Variants in SKAP1 observed in about 807,000 individuals in gnomAD.
The protein encoded by SKAP1 is src kinase-associated phosphoprotein 1.
Under a neutral mutation model 58.5 loss-of-function variants are expected in SKAP1, and 44 were observed. The ratio of observed to expected loss-of-function variants is 0.75; its 90% CI spans 0.59 to 0.97. The LOEUF (loss-of-function observed/expected upper bound fraction) is 0.97. Ranked by LOEUF, SKAP1 falls within the 50% of genes least tolerant of loss-of-function variation. The probability of loss-of-function intolerance (pLI) is 0.00; values close to 1 mark genes in which losing one functional copy is unlikely to be tolerated. For synonymous variants in SKAP1, 127 were observed against 149.7 expected (o/e 0.85, Z 1.11); for missense variants, 390 against 435.2 (o/e 0.90, Z 0.92).
chr17:48,156,730 T>G (rs1438907103), intron 11 of SKAP1, among the ~76,000 whole-genome samples: 4 of 152,220 alleles, frequency 2.6e-5, no homozygotes, highest in Non-Finnish European at 5.9e-5. Context: ...GTGGGAGTCC[T>G]CCTGCTGACT....
chr17:48,395,318 T>C (rs1234678025), intron 2 of SKAP1, among the ~76,000 whole-genome samples: 3 of 152,218 alleles, frequency 2.0e-5, no homozygotes, highest in Non-Finnish European at 4.4e-5. Flanking sequence ...TCCTCCTCAT[T>C]GTGTATTTGT....
At chr17:48,151,806 A>G (rs1199698085) in intron 11 of SKAP1, among the ~76,000 whole-genome samples, 1 of 152,242 alleles carries the variant, frequency 6.6e-6, no homozygotes, top group Non-Finnish European at 1.5e-5. Flanking sequence ...TCTTTGCTAA[A>G]TATGATGAAC....
At chr17:48,279,422 C>T (rs2065740974) in intron 4 of SKAP1, among the ~76,000 whole-genome samples, 1 of 152,142 alleles carries the variant, frequency 6.6e-6, no homozygotes, top group East Asian at 1.9e-4. Context: ...GTTTGCTGAT[C>T]ATTGATCCAC....
intron 2 of SKAP1, among the ~76,000 whole-genome samples, chr17:48,364,611 G>A (rs2066979590): frequency 6.6e-6 from 1 of 152,278 alleles, no homozygotes; most frequent in African/African-American, 2.4e-5. Flanking sequence ...GGAGGCGGAG[G>A]TTGCAGTGAG....
At chr17:48,362,478 T>G (rs757469808) in intron 3 of SKAP1, among the ~76,000 whole-genome samples, 2 of 152,270 alleles carry the variant, frequency 1.3e-5, no homozygotes, top group Non-Finnish European at 2.9e-5. Context: ...CCCTGAACTA[T>G]AGGGCCATCC....
chr17:48,276,441 T>C (rs1425236746), intron 4 of SKAP1, among the ~76,000 whole-genome samples: 3 of 152,244 alleles, frequency 2.0e-5, no homozygotes, highest in Admixed American at 6.5e-5. Context: ...TGTACACATC[T>C]GTTTTCCACT....
In SKAP1 at chr17:48,430,149, G is replaced by GGCGC; in HGVS notation, c.-33_-30dup. 8.0e-7 allele frequency: 1 copy of GGCGC among 1,254,362 alleles called. No homozygotes were observed. The highest frequency in any genetic ancestry group is 1.5e-5 in the African/African-American group (1 of 64,834). 77.7% of individuals were successfully genotyped at this position (1,254,362 alleles called of 1,614,324 possible). On this transcript the variant is annotated 5_prime_UTR_variant, in exon 1 of 13. Transcript: ENST00000336915. The stretch of plus-strand genomic sequence containing the variant: ...GCTGGGCGGGAGAGAGGCGGGACGG[G>GGCGC]GCGCGGGCCCTGGTCGGGAGGCGGA...
intron 4 of SKAP1, among the ~76,000 whole-genome samples, chr17:48,344,780 C>T (rs2066700236): frequency 6.6e-6 from 1 of 152,028 alleles, no homozygotes; most frequent in South Asian, 2.1e-4. Flanking sequence ...ATTCAACCCC[C>T]AGTTCTTATG....
intron 4 of SKAP1, among the ~76,000 whole-genome samples, chr17:48,245,426 TTTAA>T (rs1240162485): frequency 1.3e-5 from 2 of 152,320 alleles, no homozygotes; most frequent in Non-Finnish European, 2.9e-5. Context: ...ACAGGGATTG[TTTAA>T]AAGTGCCTTT....
intron 4 of SKAP1, among the ~76,000 whole-genome samples, chr17:48,206,217 C>T (rs990033673): frequency 1.3e-5 from 2 of 152,078 alleles, no homozygotes; most frequent in African/African-American, 4.8e-5. Context: ...AGGCATTTGC[C>T]AACTCTAGGA....
chr17:48,369,241 A>C (rs1455709286), intron 2 of SKAP1, among the ~76,000 whole-genome samples: 1 of 152,042 alleles, frequency 6.6e-6, no homozygotes, highest in Non-Finnish European at 1.5e-5. Flanking sequence ...CTGTAATCCA[A>C]GCACTAAGAG....
intron 4 of SKAP1, among the ~76,000 whole-genome samples, chr17:48,252,562 A>G (rs1034230851): frequency 9.9e-5 from 15 of 152,224 alleles, no homozygotes; most frequent in African/African-American, 3.6e-4. Flanking sequence ...GAATATGAGG[A>G]TAGTACATTC....
intron 4 of SKAP1, among the ~76,000 whole-genome samples, chr17:48,208,602 T>C (rs1337395016): frequency 6.6e-6 from 1 of 152,214 alleles, no homozygotes; most frequent in East Asian, 1.9e-4. Context: ...CTTGCCAGTT[T>C]GGAAAGAAAA....
At chr17:48,316,259 C>T (rs2066285147) in intron 4 of SKAP1, among the ~76,000 whole-genome samples, 1 of 152,138 alleles carries the variant, frequency 6.6e-6, no homozygotes, top group Non-Finnish European at 1.5e-5. Context: ...TTTCCTAACA[C>T]TCTGTCTCAC....
intron 1 of SKAP1, among the ~76,000 whole-genome samples, chr17:48,402,893 A>C (rs1486651845): frequency 6.6e-6 from 1 of 152,186 alleles, no homozygotes; most frequent in African/African-American, 2.4e-5. Flanking sequence ...GAAAGTAGAT[A>C]AAGAAAGTCA....
At chr17:48,328,988 G>C (rs2066471203) in intron 4 of SKAP1, among the ~76,000 whole-genome samples, 1 of 152,138 alleles carries the variant, frequency 6.6e-6, no homozygotes, top group African/African-American at 2.4e-5. Context: ...GGCTATTTAA[G>C]GGTATATTTA....
chr17:48,410,098 T>C (rs1224582822), intron 1 of SKAP1, among the ~76,000 whole-genome samples: 3 of 152,200 alleles, frequency 2.0e-5, no homozygotes, highest in Non-Finnish European at 4.4e-5. Context: ...TTGCCATGGG[T>C]GTATGGGTTA....
chr17:48,215,527 A>C (rs1202151578), intron 4 of SKAP1, among the ~76,000 whole-genome samples: 2 of 152,204 alleles, frequency 1.3e-5, no homozygotes, highest in Non-Finnish European at 2.9e-5. Flanking sequence ...GCTTTTTAAA[A>C]AGGTATGTAA....
At position 48,359,500 on chromosome 17, in the gene SKAP1, G is replaced by A. The variant is rs928678440; in HGVS notation, c.178+4289C>T. On this transcript the variant is annotated intron_variant, in intron 3 of 12. Coordinates refer to ENST00000336915, the MANE Select transcript of SKAP1 (RefSeq NM_003726.4). The stretch of plus-strand genomic sequence containing the variant: ...CAGAATGCACAAAGTTTATACATTC[G>A]TTGGTAAACCTCTTAAATCTCTTAA... 5.3e-5 allele frequency among the ~76,000 whole-genome samples: 8 copies of A among 152,122 alleles called. No individual in the cohort carries two copies. The South Asian group carries it at 6.2e-4, about 12-fold the overall frequency.
Sources: allele counts gnomAD v4.1 joint callset (sites outside exome capture counted in the v4.1 genomes callset), GRCh38; gene constraint gnomAD v4.1.1; transcripts MANE v1.5; gene names NCBI Gene and HGNC (gene_info 2026-07-23, HGNC 2026-07-21).